JADE3: variants seen among roughly 807,000 people sequenced by gnomAD.
JADE3 encodes jade family PHD finger 3.
In JADE3, 2 loss-of-function variants were observed where a neutral mutation model predicts 50.1. The ratio of observed to expected loss-of-function variants is 0.04; its 90% CI spans 0.02 to 0.13. The LOEUF is 0.13. JADE3 is among the 10% of genes least tolerant of loss of function. The probability of loss-of-function intolerance (pLI) is 1.00; values close to 1 mark genes in which losing one functional copy is unlikely to be tolerated. For missense variants in JADE3, 475 were observed against 634.4 expected, an observed-to-expected ratio of 0.75 and a Z score of 2.70; for synonymous variants, 218 against 232.9, an observed-to-expected ratio of 0.94 and a Z score of 0.58.
chrX:46,961,768 G>T (rs1927264573), intron 1 of JADE3, among the ~76,000 whole-genome samples: 1 of 112,086 alleles, frequency 8.9e-6, no homozygotes, highest in Non-Finnish European at 1.9e-5. Context: ...TCCCTGTTTT[G>T]CATTTCTAAC....
chrX:47,042,954 C>T (rs782253702), intron 8 of JADE3, among the ~76,000 whole-genome samples: 3 of 111,759 alleles, frequency 2.7e-5, no homozygotes, highest in Non-Finnish European at 5.6e-5. Context: ...TGGTGGTGGC[C>T]ATAGGGGTGC....
At chrX:46,954,776 A>G (rs1171344366) in intron 1 of JADE3, among the ~76,000 whole-genome samples, 1 of 111,610 alleles carries the variant, frequency 9.0e-6, no homozygotes, top group East Asian at 2.8e-4. Flanking sequence ...GCTGGTCTCA[A>G]ACTCCTGACC....
intron 4 of JADE3, among the ~76,000 whole-genome samples, chrX:47,001,505 G>T (rs1884103546): frequency 9.0e-6 from 1 of 111,642 alleles, no homozygotes; most frequent in Admixed American, 9.5e-5. Context: ...CCATATTGGA[G>T]GCTCAACCTA....
intron 1 of JADE3, among the ~76,000 whole-genome samples, chrX:46,959,733 G>C (rs1230864025): frequency 1.8e-5 from 2 of 110,411 alleles, no homozygotes; most frequent in Non-Finnish European, 3.8e-5. Context: ...GATAGTATTG[G>C]AGGTAGAAAG....
intron 1 of JADE3, among the ~76,000 whole-genome samples, chrX:46,917,587 G>A (rs782658427): frequency 1.5e-3 from 171 of 110,701 alleles, no homozygotes; most frequent in Non-Finnish European, 2.7e-3. Context: ...GCCAGGCAGG[G>A]GTAGCAGCAG....
intron 8 of JADE3, among the ~76,000 whole-genome samples, chrX:47,041,595 C>A (rs1186851838): frequency 1.8e-5 from 2 of 111,171 alleles, no homozygotes; most frequent in Non-Finnish European, 3.8e-5. Context: ...GTTGTCCAGG[C>A]TGGTCTCGAA....
chrX:47,027,817 C>A, intron 5 of JADE3, 75 bp from the exon 6 acceptor site: 1 of 830,829 alleles, frequency 1.2e-6, no homozygotes, highest in Non-Finnish European at 1.8e-6. Flanking sequence ...CCCACTCCTG[C>A]ACTGGGCTCA....
In JADE3 at chrX:47,007,807, TTGTGTGTGTGTGTGTGTGTG is replaced by T. The variant is rs782728907; in HGVS notation, c.284+9560_284+9579del. Among the ~76,000 whole-genome samples, 17 of 70,808 alleles carry T rather than the reference TTGTGTGTGTGTGTGTGTGTG, an allele frequency of 2.4e-4. No homozygotes were observed. In the East Asian group the frequency reaches 3.6e-3, roughly 15 times the overall value. The allele number at this position is 70,808 out of a possible 115,157, so 61.5% of individuals were successfully genotyped here. On this transcript the variant is annotated intron_variant, in intron 4 of 10. Coordinates refer to ENST00000614628, the MANE Select transcript of JADE3 (RefSeq NM_014735.5). ...TAGGACTTCAGCGTGTCCTTTTATT[TTGTGTGTGTGTGTGTGTGTG>T]TGTGTGTGTGTGTGTGTGTGTGTGT... is the stretch of plus-strand genomic sequence containing the variant.
In JADE3 at chrX:47,024,816, TCAA is replaced by T; in HGVS notation, c.380_382del (p.Asn127del). On this transcript the variant is annotated inframe_deletion, in exon 5 of 11. Coordinates refer to ENST00000614628, the MANE Select transcript of JADE3 (RefSeq NM_014735.5). ...CCAGACACCACAGAGCCTGGCTACA[TCAA>T]CATCATGGAGTTGGCAGCATCTGTT... The T allele has an allele frequency of 8.4e-7, 1 of 1,197,029 alleles. No individual in the cohort carries two copies. The highest frequency in any genetic ancestry group is 1.1e-6 in the Non-Finnish European group (1 of 882,072).
intron 4 of JADE3, among the ~76,000 whole-genome samples, chrX:47,008,807 G>A (rs1556360938): frequency 1.8e-5 from 2 of 111,130 alleles, no homozygotes; most frequent in African/African-American, 6.5e-5. Context: ...ACTTTTGGGG[G>A]TGATGGACAC....
At chrX:46,957,256 G>GATAT (rs1569535284) in intron 1 of JADE3, among the ~76,000 whole-genome samples, 1 of 110,603 alleles carries the variant, frequency 9.0e-6, no homozygotes, top group Non-Finnish European at 1.9e-5. Context: ...TAGATAGATA[G>GATAT]ATATAAACGA....
intron 4 of JADE3, among the ~76,000 whole-genome samples, chrX:47,003,649 A>T (rs1167322182): frequency 2.0e-5 from 2 of 100,859 alleles, no homozygotes; most frequent in Non-Finnish European, 3.9e-5. Context: ...ATATAAATTT[A>T]TATATATATT....
At chrX:47,039,783 AG>A (rs1318131403) in intron 8 of JADE3, among the ~76,000 whole-genome samples, 3 of 111,683 alleles carry the variant, frequency 2.7e-5, no homozygotes, top group African/African-American at 9.8e-5. Flanking sequence ...TTTCTGTTCA[AG>A]GGTACATGTC....
At chrX:46,950,080 T>C (rs1385192906) in intron 1 of JADE3, among the ~76,000 whole-genome samples, 1 of 112,211 alleles carries the variant, frequency 8.9e-6, no homozygotes, top group Non-Finnish European at 1.9e-5. Flanking sequence ...AAAAATAGCC[T>C]ATCTCAAAAG....
At chrX:46,962,123 CTTG>C (rs1556347848) in intron 1 of JADE3, among the ~76,000 whole-genome samples, 2 of 111,151 alleles carry the variant, frequency 1.8e-5, no homozygotes, top group African/African-American at 6.5e-5. Flanking sequence ...CTCACAGGGT[CTTG>C]TTGTGGCTGC....
intron 4 of JADE3, among the ~76,000 whole-genome samples, chrX:47,007,807 T>TTGTGTGTGTG (rs782728907): frequency 1.4e-5 from 1 of 70,834 alleles, no homozygotes; most frequent in Non-Finnish European, 2.5e-5. Context: ...TCCTTTTATT[T>TTGTGTGTGTG]TGTGTGTGTG....
At chrX:46,994,103 C>G (rs1928071638) in intron 3 of JADE3, among the ~76,000 whole-genome samples, 1 of 111,926 alleles carries the variant, frequency 8.9e-6, no homozygotes, top group Admixed American at 9.5e-5. Context: ...TTGACTTTTC[C>G]TATGAAAAAT....
intron 4 of JADE3, among the ~76,000 whole-genome samples, chrX:47,012,875 G>A (rs1212492279): frequency 9.0e-6 from 1 of 110,838 alleles, no homozygotes; most frequent in Non-Finnish European, 1.9e-5. Flanking sequence ...TTGTTGGGTA[G>A]CTTCCTTTTT....
intron 1 of JADE3, among the ~76,000 whole-genome samples, chrX:46,978,363 A>C (rs138606527): frequency 2.7e-5 from 3 of 111,827 alleles, no homozygotes; most frequent in African/African-American, 9.7e-5. Flanking sequence ...GCTTCTTTGC[A>C]TGTACTTGGA....
Sources: allele counts gnomAD v4.1 joint callset (sites outside exome capture counted in the v4.1 genomes callset), GRCh38; gene constraint gnomAD v4.1.1; transcripts MANE v1.5; gene names NCBI Gene and HGNC (gene_info 2026-07-23, HGNC 2026-07-21).